CMIP: variants seen among roughly 807,000 people sequenced by gnomAD.
CMIP encodes C-Maf-inducing protein.
Under a neutral mutation model 97.3 loss-of-function variants are expected in CMIP, and 13 were observed. The observed-to-expected ratio is 0.13, with a 90% confidence interval of 0.09 to 0.21. CMIP has a LOEUF of 0.21. Ranked by LOEUF, CMIP falls within the 10% of genes least tolerant of loss-of-function variation. The pLI, the probability that CMIP is intolerant of heterozygous loss-of-function variation, is 1.00. For missense variants in CMIP, 847 were observed against 1,024.9 expected (o/e 0.83, Z 2.37); for synonymous variants, 538 against 436.3 (o/e 1.23, Z -2.91).
At chr16:81,685,306 C>T (rs888158168) in intron 10 of CMIP, among the ~76,000 whole-genome samples, 25 of 152,290 alleles carry the variant, frequency 1.6e-4, no homozygotes, top group African/African-American at 5.8e-4. Context: ...GTCCAGACCC[C>T]GCCTCAGACA....
At chr16:81,650,933 C>T (rs191999307) in intron 3 of CMIP, among the ~76,000 whole-genome samples, 2 of 152,326 alleles carry the variant, frequency 1.3e-5, no homozygotes, top group East Asian at 1.9e-4. Flanking sequence ...TTCCACTTGG[C>T]ATGGAATGTG....
At chr16:81,707,324 C>T (rs948386749) in intron 20 of CMIP, among the ~76,000 whole-genome samples, 3 of 152,088 alleles carry the variant, frequency 2.0e-5, no homozygotes, top group African/African-American at 4.8e-5. Flanking sequence ...ATGAAGAGGC[C>T]GCAGGAGCTG....
intron 1 of CMIP, among the ~76,000 whole-genome samples, chr16:81,459,067 C>CATCACCATCACCATCACT (rs1491336796): frequency 8.8e-6 from 1 of 113,322 alleles, no homozygotes; most frequent in African/African-American, 3.2e-5. Context: ...TCACTGTCAC[C>CATCACCATCACCATCACT]GTCACCGTCA....
chr16:81,445,950 C>T (rs1905809455), intron 1 of CMIP, among the ~76,000 whole-genome samples: 2 of 148,066 alleles, frequency 1.4e-5, no homozygotes, highest in Admixed American at 6.6e-5. Context: ...AAACAAAATA[C>T]CACCCCTCAG....
chr16:81,488,725 A>G (rs902181279), intron 1 of CMIP, among the ~76,000 whole-genome samples: 4 of 152,114 alleles, frequency 2.6e-5, no homozygotes, highest in Non-Finnish European at 5.9e-5. Flanking sequence ...TTGGGAGGGC[A>G]CAGAACCTCT....
At position 81,710,220 on chromosome 16, in the gene CMIP, G is replaced by A. The variant is rs1265494997; in HGVS notation, c.*421G>A. ...TTTCTTCCTAGAGGCTCCGAGCTGA[G>A]CTGCGAACTCGCCCCCCGCCCTTGG... is the stretch of plus-strand genomic sequence containing the variant. On this transcript the variant is annotated 3_prime_UTR_variant, in exon 21 of 21. Transcript: ENST00000537098. The A allele has an allele frequency of 4.4e-6, 1 of 228,958 alleles. No individual in the cohort carries two copies. The highest frequency in any genetic ancestry group is 8.8e-6 in the Non-Finnish European group (1 of 113,588). The allele number at this position is 228,958 out of a possible 1,614,324, so 14.2% of individuals were successfully genotyped here.
chr16:81,586,206 G>C (rs181030198), intron 1 of CMIP, among the ~76,000 whole-genome samples: 86 of 152,178 alleles, frequency 5.7e-4, no homozygotes, highest in Middle Eastern at 3.4e-3. Flanking sequence ...CACTTACCAG[G>C]CTCTTTCAGA....
intron 1 of CMIP, among the ~76,000 whole-genome samples, chr16:81,506,448 A>C (rs1196892550): frequency 1.3e-5 from 2 of 152,194 alleles, no homozygotes; most frequent in Non-Finnish European, 2.9e-5. Context: ...ATTCTTCCTT[A>C]CATTGCAATT....
rs760660460 is a variant in CMIP, at chr16:81,614,046, C to G, written c.426+6354C>G. ...TTCCAGGACAGTGTGATGCGTTAGG[C>G]GAGGCATTCTGGCCTGGTTTGGTTG... is the stretch of plus-strand genomic sequence containing the variant. On this transcript the variant is annotated intron_variant, in intron 2 of 20. Coordinates refer to ENST00000537098, the MANE Select transcript of CMIP (RefSeq NM_198390.3). This position sits in a 1 kb window ranked among gnomAD's most constrained non-coding sequence, Gnocchi z 5.3. 6.6e-6 allele frequency among the ~76,000 whole-genome samples: 1 copy of G among 152,140 alleles called. No homozygotes were observed. The highest frequency in any genetic ancestry group is 2.4e-5 in the African/African-American group (1 of 41,426).
intron 7 of CMIP, among the ~76,000 whole-genome samples, chr16:81,667,850 A>C (rs901977370): frequency 8.5e-6 from 1 of 117,492 alleles, no homozygotes; most frequent in Non-Finnish European, 1.8e-5. Flanking sequence ...GTTTGTGCTC[A>C]TGCCAGTGCG....
At chr16:81,464,933 C>G (rs1271277745) in intron 1 of CMIP, 3 of 152,180 alleles carry the variant, frequency 2.0e-5, no homozygotes. Context: ...ACTGGATAGA[C>G]CACATTTGAT....
intron 10 of CMIP, among the ~76,000 whole-genome samples, chr16:81,681,166 G>T (rs1340220217): frequency 6.6e-6 from 1 of 152,180 alleles, no homozygotes; most frequent in Non-Finnish European, 1.5e-5. Flanking sequence ...CACAAAATGG[G>T]ATTATGCTCC....
intron 1 of CMIP, among the ~76,000 whole-genome samples, chr16:81,530,472 G>A (rs1346325102): frequency 2.0e-5 from 3 of 151,952 alleles, no homozygotes; most frequent in African/African-American, 4.8e-5. Context: ...GTGGGAGGAC[G>A]TGTCTTTTGT....
At chr16:81,496,279 T>C (rs1247032910) in intron 1 of CMIP, among the ~76,000 whole-genome samples, 1 of 152,278 alleles carries the variant, frequency 6.6e-6, no homozygotes, top group African/African-American at 2.4e-5. Context: ...TAAATCAATA[T>C]TTGTCGTGCC....
chr16:81,548,609 G>C (rs2090594359), intron 1 of CMIP, among the ~76,000 whole-genome samples: 1 of 151,964 alleles, frequency 6.6e-6, no homozygotes, highest in African/African-American at 2.4e-5. Context: ...GGGAGGCTGA[G>C]GTGGGAGGAT....
At chr16:81,592,650 T>A (rs12930988) in intron 1 of CMIP, among the ~76,000 whole-genome samples, 76,262 of 151,878 alleles carry the variant, frequency 0.5, 22,782 homozygotes, top group South Asian at 0.69. Flanking sequence ...AAAACAACAG[T>A]CCTGGCTTCC....
chr16:81,595,812 G>A (rs2091546088), intron 1 of CMIP, among the ~76,000 whole-genome samples: 1 of 152,090 alleles, frequency 6.6e-6, no homozygotes, highest in Non-Finnish European at 1.5e-5. Context: ...CTGTTTCCAT[G>A]TTTTGGTTCT....
intron 1 of CMIP, among the ~76,000 whole-genome samples, chr16:81,513,475 C>T (rs560037487): frequency 1.1e-4 from 17 of 152,340 alleles, no homozygotes; most frequent in East Asian, 9.7e-4. Flanking sequence ...CTTTCCACCC[C>T]GGGATTCTCC....
At chr16:81,532,507 C>T (rs571784256) in intron 1 of CMIP, among the ~76,000 whole-genome samples, 1 of 152,162 alleles carries the variant, frequency 6.6e-6, no homozygotes, top group African/African-American at 2.4e-5. Flanking sequence ...CGGGGGTCGC[C>T]CTGAGCCTCC....
Sources: gnomAD v4.1 joint callset for allele counts (sites outside exome capture counted in the v4.1 genomes callset) on GRCh38, gnomAD v4.1.1 for gene constraint, Gnocchi (gnomAD v3.1) non-coding constraint, MANE v1.5 for transcripts, NCBI Gene and HGNC (gene_info 2026-07-23, HGNC 2026-07-21) for gene names.